Variants in KCNH7 observed in about 807,000 individuals in gnomAD.
The protein encoded by KCNH7 is voltage-gated inwardly rectifying potassium channel KCNH7.
In KCNH7, 49 loss-of-function variants were observed where a neutral mutation model predicts 120.8. That is an observed-to-expected ratio of 0.41 (90% confidence interval 0.32 to 0.51). The LOEUF is 0.51. KCNH7 is among the 20% of genes least tolerant of loss of function. The pLI is 0.38. For missense variants in KCNH7, 1,097 were observed against 1,446.6 expected (o/e 0.76, Z 3.92); for synonymous variants, 547 against 516.1 (o/e 1.06, Z -0.81).
At chr2:162,643,329 C>T (rs986525175) in intron 2 of KCNH7, among the ~76,000 whole-genome samples, 14 of 149,854 alleles carry the variant, frequency 9.3e-5, no homozygotes, top group Non-Finnish European at 2.1e-4. Context: ...AACAAACAAA[C>T]AAAAAAGCAA....
chr2:162,512,939 A>T (rs1691129319), intron 4 of KCNH7, among the ~76,000 whole-genome samples: 1 of 151,804 alleles, frequency 6.6e-6, no homozygotes, highest in Non-Finnish European at 1.5e-5. Context: ...CAGATTTTAT[A>T]ATTATGACAG....
At chr2:162,597,087 C>T (rs1331640212) in intron 2 of KCNH7, among the ~76,000 whole-genome samples, 1 of 152,072 alleles carries the variant, frequency 6.6e-6, no homozygotes, top group Non-Finnish European at 1.5e-5. Flanking sequence ...GAGCCTTGTA[C>T]ACTGTTGGTC....
intron 2 of KCNH7, among the ~76,000 whole-genome samples, chr2:162,766,989 T>C (rs1234014306): frequency 6.6e-6 from 1 of 152,022 alleles, no homozygotes; most frequent in Non-Finnish European, 1.5e-5. Flanking sequence ...AATTTAACAA[T>C]TTATCTTTGA....
intron 3 of KCNH7, among the ~76,000 whole-genome samples, chr2:162,523,865 A>G (rs767920674): frequency 2.4e-4 from 37 of 151,936 alleles, no homozygotes; most frequent in Non-Finnish European, 4.7e-4. Context: ...AAACCCAATT[A>G]AATATAATTA....
At chr2:162,442,274 T>G (rs1380963772) in intron 7 of KCNH7, among the ~76,000 whole-genome samples, 2 of 151,600 alleles carry the variant, frequency 1.3e-5, no homozygotes, top group African/African-American at 2.4e-5. Context: ...GATCCGCCAG[T>G]CTTGGCCTCC....
intron 2 of KCNH7, among the ~76,000 whole-genome samples, chr2:162,575,305 C>A (rs962196574): frequency 6.6e-6 from 1 of 152,082 alleles, no homozygotes; most frequent in Non-Finnish European, 1.5e-5. Context: ...TGGTTCTCTT[C>A]CCGCATTTAC....
chr2:162,479,243 A>T (rs59627828), intron 6 of KCNH7, among the ~76,000 whole-genome samples: 13,776 of 151,736 alleles, frequency 0.091, 890 homozygotes, highest in African/African-American at 0.18. Context: ...GTTGAATACA[A>T]ATTATTTATC....
intron 14 of KCNH7, among the ~76,000 whole-genome samples, chr2:162,379,191 A>G (rs1686321896): frequency 6.6e-6 from 1 of 152,202 alleles, no homozygotes; most frequent in African/African-American, 2.4e-5. Context: ...TATTGGATCA[A>G]GACAAATTCC....
rs71009368 is a variant in KCNH7, at chr2:162,724,671, C to CAAAAAAAAA, written c.307+111857_307+111865dup. Among the ~76,000 whole-genome samples, 98 of 123,888 alleles carry CAAAAAAAAA rather than the reference C, an allele frequency of 7.9e-4. 1 individual carries two copies. Among genetic ancestry groups the CAAAAAAAAA allele is most frequent in the African/African-American group, 3.0e-3 (94 of 31,446 alleles). 81.3% of individuals were successfully genotyped at this position (123,888 alleles called of 152,430 possible). ...TGGGCGACAGAGCGAGACTCCGTCT[C>CAAAAAAAAA]AAAAAAAAAAAAAGAATATACTGTA... On this transcript the variant is annotated intron_variant, in intron 2 of 15. Transcript: ENST00000332142.
chr2:162,648,376 C>A (rs370178955), intron 2 of KCNH7, among the ~76,000 whole-genome samples: 1 of 152,082 alleles, frequency 6.6e-6, no homozygotes, highest in African/African-American at 2.4e-5. Context: ...AGGGGAAGTC[C>A]GCCCCCATGA....
chr2:162,601,543 C>CTATAAAAT (rs1694558683), intron 2 of KCNH7, among the ~76,000 whole-genome samples: 1 of 150,726 alleles, frequency 6.6e-6, no homozygotes, highest in African/African-American at 2.4e-5. Flanking sequence ...CCCTAACAAA[C>CTATAAAAT]TATAAAATTA....
chr2:162,501,823 T>C (rs369866629), intron 6 of KCNH7, among the ~76,000 whole-genome samples: 26 of 152,066 alleles, frequency 1.7e-4, no homozygotes, highest in African/African-American at 6.3e-4. Context: ...TGATTATGTT[T>C]CAACACATAA....
At chr2:162,768,982 T>C (rs981497679) in intron 2 of KCNH7, 3 of 152,152 alleles carry the variant, frequency 2.0e-5, no homozygotes, top group African/African-American at 7.2e-5. Flanking sequence ...GCAGGGATAT[T>C]ATGGAGGTAA....
In KCNH7 at chr2:162,780,926, G is replaced by A. The variant is rs115977606; in HGVS notation, c.307+55611C>T. On this transcript the variant is annotated intron_variant, in intron 2 of 15. Transcript: ENST00000332142. ...TAATAAACTGGTAAAATGATATAAC[G>A]TTAAATTGCCATCATTGTTTAATTT... Among the ~76,000 whole-genome samples the A allele has an allele frequency of 5.2e-3, 784 of 152,070 alleles. 10 individuals carry two copies. Among genetic ancestry groups the A allele is most frequent in the African/African-American group, 0.018 (752 of 41,510 alleles).
chr2:162,745,875 A>T (rs1012867028), intron 2 of KCNH7, among the ~76,000 whole-genome samples: 2 of 152,092 alleles, frequency 1.3e-5, no homozygotes, highest in Non-Finnish European at 2.9e-5. Flanking sequence ...ATTTAAAGAA[A>T]AAAAAGTATT....
rs143672246 is a variant in KCNH7 at position 162,587,184 on chromosome 2, G to A, written c.308-50104C>T. Among the ~76,000 whole-genome samples the A allele has an allele frequency of 1.5e-3, 228 of 152,154 alleles. 1 individual carries two copies. Among genetic ancestry groups the A allele is most frequent in the Middle Eastern group, 3.4e-3 (1 of 292 alleles). On this transcript the variant is annotated intron_variant, in intron 2 of 15. Coordinates refer to ENST00000332142, the MANE Select transcript of KCNH7 (RefSeq NM_033272.4). ...TTTACTTCATATTTATGAATGACCT[G>A]CCAGTCCCATTAGGAAAACTTGTGT... is the stretch of plus-strand genomic sequence containing the variant.
At chr2:162,440,697 G>A (rs747874529) in intron 7 of KCNH7, among the ~76,000 whole-genome samples, 1 of 152,002 alleles carries the variant, frequency 6.6e-6, no homozygotes, top group African/African-American at 2.4e-5. Context: ...TTAAAGAGGA[G>A]ATTTTTACAA....
At chr2:162,417,007 T>C (rs1007728630) in intron 9 of KCNH7, among the ~76,000 whole-genome samples, 2 of 152,184 alleles carry the variant, frequency 1.3e-5, no homozygotes, top group Non-Finnish European at 2.9e-5. Context: ...CTATTGCTGC[T>C]TTAAGGCTAT....
intron 2 of KCNH7, among the ~76,000 whole-genome samples, chr2:162,825,142 C>T (rs1685238892): frequency 6.6e-6 from 1 of 151,758 alleles, no homozygotes; most frequent in South Asian, 2.1e-4. Context: ...TGGAAAAATG[C>T]CAGCAAATTA....
Sources: gnomAD v4.1 joint callset for allele counts (sites outside exome capture counted in the v4.1 genomes callset) on GRCh38, gnomAD v4.1.1 for gene constraint, MANE v1.5 for transcripts, NCBI Gene and HGNC (gene_info 2026-07-23, HGNC 2026-07-21) for gene names.